TOX2: variants seen among roughly 807,000 people sequenced by gnomAD.
TOX2 encodes the protein granulosa cell HMG box 1.
A neutral mutation model predicts 47.4 loss-of-function variants in TOX2; 15 were observed. The observed-to-expected ratio is 0.32, with a 90% CI of 0.21 to 0.49. TOX2 has a LOEUF of 0.49. Among genes scored for constraint, TOX2 ranks in the 20% least tolerant of loss-of-function variants. The probability of loss-of-function intolerance (pLI) is 0.99; values close to 1 mark genes in which losing one functional copy is unlikely to be tolerated. For missense variants in TOX2, 622 were observed against 673.1 expected (o/e 0.92, Z 0.84); for synonymous variants, 290 against 296.6 (o/e 0.98, Z 0.23).
chr20:43,959,524 T>C (rs1400675805), intron 1 of TOX2, among the ~76,000 whole-genome samples: 1 of 152,176 alleles, frequency 6.6e-6, no homozygotes, highest in South Asian at 2.1e-4. Context: ...TTTCAAAGAT[T>C]TCTTTTCTTC....
intron 3 of TOX2, among the ~76,000 whole-genome samples, chr20:44,007,060 T>A (rs1458508869): frequency 6.6e-6 from 1 of 152,184 alleles, no homozygotes; most frequent in Non-Finnish European, 1.5e-5. Flanking sequence ...CGGTATTGGT[T>A]TGCATTATTT....
chr20:44,031,676 G>GCTGC (rs2071154803), intron 3 of TOX2, among the ~76,000 whole-genome samples: 1 of 152,106 alleles, frequency 6.6e-6, no homozygotes, highest in African/African-American at 2.4e-5. Context: ...AAATGCCTAA[G>GCTGC]CTGCCCATTA....
intron 2 of TOX2, among the ~76,000 whole-genome samples, chr20:43,989,387 A>C (rs2070328654): frequency 6.6e-6 from 1 of 152,222 alleles, no homozygotes; most frequent in Non-Finnish European, 1.5e-5. Flanking sequence ...GCTCAGCATC[A>C]CACATGCGGG....
At chr20:43,950,466 C>T (rs1406887370) in intron 1 of TOX2, among the ~76,000 whole-genome samples, 2 of 152,090 alleles carry the variant, frequency 1.3e-5, no homozygotes, top group Non-Finnish European at 2.9e-5. Flanking sequence ...TCCCCAGTTG[C>T]CTCTCTGGCC....
chr20:43,974,750 T>G (rs1227308384), intron 2 of TOX2, among the ~76,000 whole-genome samples: 1 of 152,212 alleles, frequency 6.6e-6, no homozygotes, highest in Non-Finnish European at 1.5e-5. Flanking sequence ...CCTGTGGCCC[T>G]AGGGGGCACT....
intron 2 of TOX2, among the ~76,000 whole-genome samples, chr20:43,986,557 C>T (rs2070269462): frequency 6.6e-6 from 1 of 151,972 alleles, no homozygotes; most frequent in African/African-American, 2.4e-5. Context: ...GCTGGGATTA[C>T]AGGTGTGAGC....
chr20:44,023,141 G>A (rs891681926), intron 3 of TOX2, among the ~76,000 whole-genome samples: 18 of 151,624 alleles, frequency 1.2e-4, no homozygotes, highest in Admixed American at 6.6e-5. Flanking sequence ...GAAAGATAGA[G>A]GAAGGAAGGG....
chr20:44,067,434 G>A (rs1361491276), intron 8 of TOX2, among the ~76,000 whole-genome samples: 1 of 152,138 alleles, frequency 6.6e-6, no homozygotes, highest in Non-Finnish European at 1.5e-5. Context: ...GGGCTGCCCC[G>A]GGGTGAGTGT....
At chr20:44,037,122 T>G (rs2071253962) in intron 3 of TOX2, among the ~76,000 whole-genome samples, 1 of 152,138 alleles carries the variant, frequency 6.6e-6, no homozygotes, top group African/African-American at 2.4e-5. Flanking sequence ...ACCAGCTAAT[T>G]TTTGTATTTT....
chr20:43,927,625 C>CTTCCTTCCT (rs146262327), intron 1 of TOX2, among the ~76,000 whole-genome samples: 11,168 of 81,238 alleles, frequency 0.14, 1,794 homozygotes, highest in East Asian at 0.18. Flanking sequence ...TCCTTCCTTC[C>CTTCCTTCCT]TCCTTCCTTC....
intron 2 of TOX2, among the ~76,000 whole-genome samples, chr20:43,982,809 G>A (rs1467003576): frequency 6.7e-6 from 1 of 150,334 alleles, no homozygotes; most frequent in Admixed American, 6.8e-5. Context: ...ATCAGCAGGG[G>A]TCTGAATGGA....
At chr20:43,919,730 G>A (rs1261009560) in intron 1 of TOX2, among the ~76,000 whole-genome samples, 2 of 152,160 alleles carry the variant, frequency 1.3e-5, no homozygotes, top group African/African-American at 4.8e-5. Flanking sequence ...GTGTCCATGT[G>A]TTCTCATTGT....
At chr20:44,062,758 C>T (rs866093793) in intron 5 of TOX2, among the ~76,000 whole-genome samples, 11 of 151,994 alleles carry the variant, frequency 7.2e-5, no homozygotes, top group South Asian at 2.1e-4. Context: ...TGGCCATAGT[C>T]ACCAAAACAG....
chr20:43,965,259 G>A (rs1179581242), intron 1 of TOX2, among the ~76,000 whole-genome samples: 2 of 152,196 alleles, frequency 1.3e-5, no homozygotes, highest in Non-Finnish European at 2.9e-5. Context: ...GGGCTGTAAA[G>A]CTCCCAGTGA....
At chr20:43,962,385 C>T (rs775061975) in intron 1 of TOX2, among the ~76,000 whole-genome samples, 7 of 152,194 alleles carry the variant, frequency 4.6e-5, no homozygotes, top group Non-Finnish European at 7.3e-5. Flanking sequence ...ATGAGATCTG[C>T]GATCCAGCCA....
chr20:44,011,678 G>T (rs2145618960), intron 3 of TOX2, among the ~76,000 whole-genome samples: 1 of 152,364 alleles, frequency 6.6e-6, no homozygotes, highest in African/African-American at 2.4e-5. Context: ...AGGATGCGCT[G>T]ATGGCCAGGG....
intron 1 of TOX2, among the ~76,000 whole-genome samples, chr20:43,962,739 C>T (rs928710639): frequency 3.9e-5 from 6 of 152,168 alleles, no homozygotes; most frequent in Admixed American, 1.3e-4. Context: ...TCAGCTCTTC[C>T]GTCTCTGGGG....
chr20:43,985,906 A>C (rs2070255943), intron 2 of TOX2, among the ~76,000 whole-genome samples: 1 of 152,182 alleles, frequency 6.6e-6, no homozygotes, highest in African/African-American at 2.4e-5. Flanking sequence ...AAGGATGAGC[A>C]GGCGGTGAGA....
At position 44,010,079 on chromosome 20, in the gene TOX2, A is replaced by G. The variant is rs1021963838; in HGVS notation, c.411+3287A>G. Reference sequence around the variant, plus strand: ...ATGTCTGGCAGAGAGTAAACATTCAATGAGCACTTGCTATTATTATTTGTA... The same window carrying G: ...ATGTCTGGCAGAGAGTAAACATTCAGTGAGCACTTGCTATTATTATTTGTA... On this transcript the variant is annotated intron_variant, in intron 3 of 8. Transcript: ENST00000341197. 2.0e-5 allele frequency among the ~76,000 whole-genome samples: 3 copies of G among 152,364 alleles called. No individual in the cohort carries two copies. In the South Asian group the frequency reaches 6.2e-4, roughly 32 times the overall value.
Sources: allele counts gnomAD v4.1 joint callset (sites outside exome capture counted in the v4.1 genomes callset), GRCh38; gene constraint gnomAD v4.1.1; transcripts MANE v1.5; gene names NCBI Gene and HGNC (gene_info 2026-07-23, HGNC 2026-07-21).